MALRD1: variants seen among roughly 807,000 people sequenced by gnomAD.
MALRD1 encodes the protein MAM and LDL-receptor class A domain-containing protein 1.
In MALRD1, 247 loss-of-function variants were observed where a neutral mutation model predicts 242.1. The observed-to-expected ratio is 1.02, with a 90% CI of 0.92 to 1.13. The LOEUF is 1.13. Ranked by LOEUF, MALRD1 falls within the 50% of genes most tolerant of loss-of-function variation. MALRD1 has a pLI of 0.00. For synonymous variants in MALRD1, 995 were observed against 866.6 expected, an observed-to-expected ratio of 1.15 and a Z score of -2.60; for missense variants, 2,989 against 2,533.1, an observed-to-expected ratio of 1.18 and a Z score of -3.86.
In MALRD1 at chr10:19,595,258, A is replaced by T. The variant is rs970268739; in HGVS notation, c.5745A>T (p.Gln1915His). Residue 1915 changes from glutamine (Q) to histidine (H), a missense_variant, in exon 34 of 40, where the codon CAA becomes CAT. Gln to His is a conservative substitution (Grantham distance 24). Coordinates refer to ENST00000454679, the MANE Select transcript of MALRD1 (RefSeq NM_001142308.3). ...ADQFSCIYTLQCVPLSGKCDG... is the reference protein window; with the variant it reads ...ADQFSCIYTLHCVPLSGKCDG... ...AGTTTTCTTGTATCTACACACTCCA[A>T]TGTGTCCCTCTCTCAGGGAAATGTG... 21 of 1,550,138 alleles carry T rather than the reference A, an allele frequency of 1.4e-5. No individual in the cohort carries two copies. The highest frequency in any genetic ancestry group is 1.7e-5 in the Non-Finnish European group (19 of 1,146,684).
intron 1 of MALRD1, among the ~76,000 whole-genome samples, chr10:19,053,915 A>G (rs1834585875): frequency 6.6e-6 from 1 of 152,140 alleles, no homozygotes; most frequent in Non-Finnish European, 1.5e-5. Context: ...AATCAGAAAA[A>G]AAACTGAGTC....
chr10:19,504,779 T>C (rs1296036945), intron 31 of MALRD1, among the ~76,000 whole-genome samples: 1 of 144,368 alleles, frequency 6.9e-6, no homozygotes, highest in Non-Finnish European at 1.5e-5. Flanking sequence ...GCTTCCCGGG[T>C]TCACGCCATT....
intron 18 of MALRD1, among the ~76,000 whole-genome samples, chr10:19,220,727 T>C (rs1420406993): frequency 1.3e-5 from 2 of 152,168 alleles, no homozygotes; most frequent in African/African-American, 4.8e-5. Flanking sequence ...GGAAATGTTT[T>C]CTTACACCTG....
At chr10:19,116,963 C>T (rs1011703122) in intron 5 of MALRD1, among the ~76,000 whole-genome samples, 8 of 151,848 alleles carry the variant, frequency 5.3e-5, no homozygotes, top group East Asian at 3.9e-4. Context: ...GGCGTGGTGG[C>T]GGGCCCCTGT....
In MALRD1 at chr10:19,339,369, G is replaced by A. The variant is rs958208376; in HGVS notation, c.3901+7787G>A. Among the ~76,000 whole-genome samples the A allele has an allele frequency of 9.2e-5, 14 of 151,964 alleles. 1 individual carries two copies. The highest frequency in any genetic ancestry group is 6.6e-4 in the Admixed American group (10 of 15,220). On this transcript the variant is annotated intron_variant, in intron 24 of 39. Coordinates refer to ENST00000454679, the MANE Select transcript of MALRD1 (RefSeq NM_001142308.3). ...TTTCTCGTGGCATCTTATCAAATAC[G>A]TCAAGTAGTAGCCAATTCACGTTTT...
intron 10 of MALRD1, among the ~76,000 whole-genome samples, chr10:19,144,739 T>C (rs187214015): frequency 6.6e-6 from 1 of 152,332 alleles, no homozygotes; most frequent in African/African-American, 2.4e-5. Flanking sequence ...AGTCTAGATG[T>C]TCCATTTACT....
At chr10:19,483,089 A>C (rs1405018986) in intron 29 of MALRD1, among the ~76,000 whole-genome samples, 5 of 152,128 alleles carry the variant, frequency 3.3e-5, no homozygotes, top group Admixed American at 6.5e-5. Context: ...CTGGTACAAA[A>C]AATAGACACA....
intron 31 of MALRD1, among the ~76,000 whole-genome samples, chr10:19,503,873 C>T (rs1462941589): frequency 6.7e-6 from 1 of 149,828 alleles, no homozygotes; most frequent in African/African-American, 2.5e-5. Context: ...TGAGTGCTTA[C>T]TAAATACCAT....
intron 36 of MALRD1, among the ~76,000 whole-genome samples, chr10:19,623,329 G>A (rs1839491760): frequency 6.6e-6 from 1 of 152,024 alleles, no homozygotes; most frequent in African/African-American, 2.4e-5. Context: ...ATGTCACAGA[G>A]AAGAAAGAGA....
chr10:19,320,923 T>A (rs553488805), intron 21 of MALRD1, among the ~76,000 whole-genome samples: 2 of 152,166 alleles, frequency 1.3e-5, no homozygotes, highest in South Asian at 4.1e-4. Context: ...ATGGGGTTGT[T>A]TTTTTTCTTA....
intron 28 of MALRD1, among the ~76,000 whole-genome samples, chr10:19,391,348 T>A (rs1846328323): frequency 6.6e-6 from 1 of 152,150 alleles, no homozygotes; most frequent in African/African-American, 2.4e-5. Flanking sequence ...AGGGCAATCA[T>A]TTCATCTTGG....
At chr10:19,610,221 G>A (rs923330112) in intron 35 of MALRD1, among the ~76,000 whole-genome samples, 53 of 151,914 alleles carry the variant, frequency 3.5e-4, no homozygotes, top group African/African-American at 1.2e-3. Flanking sequence ...TTTCTTTGTG[G>A]TACGAACGTT....
intron 31 of MALRD1, among the ~76,000 whole-genome samples, chr10:19,518,746 C>T (rs1279482070): frequency 6.6e-6 from 1 of 151,798 alleles, no homozygotes; most frequent in African/African-American, 2.4e-5. Context: ...TTAGTTGTTT[C>T]ACTAACAGTC....
chr10:19,340,231 G>T (rs1489104517), intron 24 of MALRD1, among the ~76,000 whole-genome samples: 1 of 151,886 alleles, frequency 6.6e-6, no homozygotes, highest in Non-Finnish European at 1.5e-5. Flanking sequence ...ACAGAGAATG[G>T]GATATCTACC....
At chr10:19,593,181 A>G (rs1327977093) in intron 33 of MALRD1, among the ~76,000 whole-genome samples, 3 of 152,216 alleles carry the variant, frequency 2.0e-5, no homozygotes, top group Non-Finnish European at 4.4e-5. Context: ...ACATTGGAAC[A>G]TTGCAATTTT....
At chr10:19,173,999 T>C (rs1274290569) in intron 13 of MALRD1, among the ~76,000 whole-genome samples, 1 of 152,200 alleles carries the variant, frequency 6.6e-6, no homozygotes, top group Non-Finnish European at 1.5e-5. Flanking sequence ...ATTAACATTT[T>C]ATGTGACATA....
intron 32 of MALRD1, among the ~76,000 whole-genome samples, chr10:19,547,839 T>A: frequency 9.2e-6 from 1 of 108,288 alleles, no homozygotes; most frequent in African/African-American, 3.1e-5. Flanking sequence ...TTTTTTTTTT[T>A]TTTTTTTTTT....
chr10:19,136,149 A>G (rs1157514068), intron 9 of MALRD1, among the ~76,000 whole-genome samples: 1 of 152,210 alleles, frequency 6.6e-6, no homozygotes, highest in South Asian at 2.1e-4. Context: ...ATGCAGTTAC[A>G]GCTCTTGTTC....
At chr10:19,361,210 T>C (rs1229229928) in intron 26 of MALRD1, among the ~76,000 whole-genome samples, 1 of 152,202 alleles carries the variant, frequency 6.6e-6, no homozygotes, top group Non-Finnish European at 1.5e-5. Context: ...CAATGGAATG[T>C]GAACATATAC....
Sources: gnomAD v4.1 joint callset for allele counts (sites outside exome capture counted in the v4.1 genomes callset) on GRCh38, gnomAD v4.1.1 for gene constraint, MANE v1.5 for transcripts, NCBI Gene and HGNC (gene_info 2026-07-23, HGNC 2026-07-21) for gene names.